The following MIPOL1 variants were observed in gnomAD, a reference collection of about 807,000 sequenced individuals.
MIPOL1 encodes mirror-image polydactyly 1.
In MIPOL1, 57 loss-of-function variants were observed where a neutral mutation model predicts 60.9. That is an observed-to-expected ratio of 0.94 (90% CI 0.76 to 1.17). MIPOL1 has a LOEUF of 1.17. Ranked by LOEUF, MIPOL1 falls within the 50% of genes most tolerant of loss-of-function variation. The probability of loss-of-function intolerance (pLI) is 0.00; values close to 1 mark genes in which losing one functional copy is unlikely to be tolerated. For missense variants in MIPOL1, 551 were observed against 511.6 expected (o/e 1.08, Z -0.74); for synonymous variants, 179 against 168.8 (o/e 1.06, Z -0.47).
intron 3 of MIPOL1, among the ~76,000 whole-genome samples, chr14:37,257,382 T>A (rs1408686400): frequency 6.6e-6 from 1 of 152,066 alleles, no homozygotes; most frequent in Non-Finnish European, 1.5e-5. Flanking sequence ...TCAAACAGTT[T>A]TAATGATGCC....
intron 1 of MIPOL1, among the ~76,000 whole-genome samples, chr14:37,198,798 C>G (rs1964754112): frequency 1.3e-5 from 2 of 152,090 alleles, no homozygotes; most frequent in South Asian, 4.1e-4. Context: ...TAAGCCAAAA[C>G]AAAGGGCCAA....
At chr14:37,210,092 A>C (rs111588762) in intron 1 of MIPOL1, among the ~76,000 whole-genome samples, 1 of 151,922 alleles carries the variant, frequency 6.6e-6, no homozygotes, top group Admixed American at 6.6e-5. Flanking sequence ...AAACGCTCAA[A>C]CTGTGTTTCC....
chr14:37,268,691 T>G lies in MIPOL1; in HGVS notation c.285T>G (p.Tyr95Ter). 6.2e-7 allele frequency: 1 copy of G among 1,602,022 alleles called. No individual in the cohort carries two copies. Among genetic ancestry groups the G allele is most frequent in the Non-Finnish European group, 8.5e-7 (1 of 1,173,010 alleles). ...VMEHRHNDMHYECMTPCQVTS... is the reference protein window; with the variant it reads ...VMEHRHNDMH ...AACATAGACATAATGATATGCATTA[T>G]GAATGTATGACTCCTTGTCAAGTTA... Residue 95 changes from tyrosine (Y) to a stop codon, truncating the protein, a stop_gained, in exon 5 of 13, where the codon TAT becomes TAG. Transcript: ENST00000684589. LOFTEE classifies it high-confidence loss of function.
At chr14:37,384,694 C>G (rs1205421789) in intron 10 of MIPOL1, among the ~76,000 whole-genome samples, 4 of 151,796 alleles carry the variant, frequency 2.6e-5, no homozygotes, top group Admixed American at 6.6e-5. Context: ...TTAACAGTAC[C>G]TGTTTCTTGA....
chr14:37,323,620 T>A (rs2088840886), intron 9 of MIPOL1, among the ~76,000 whole-genome samples: 1 of 152,014 alleles, frequency 6.6e-6, no homozygotes, highest in South Asian at 2.1e-4. Flanking sequence ...TCAGATAAAA[T>A]TTACATGCAC....
chr14:37,416,254 G>A (rs1368640944), intron 10 of MIPOL1, among the ~76,000 whole-genome samples: 56 of 152,138 alleles, frequency 3.7e-4, no homozygotes, highest in Non-Finnish European at 1.5e-5. Flanking sequence ...CTTTTTACAG[G>A]TGATCATTGA....
intron 9 of MIPOL1, among the ~76,000 whole-genome samples, chr14:37,348,494 A>C (rs2091102684): frequency 6.6e-6 from 1 of 152,188 alleles, no homozygotes; most frequent in African/African-American, 2.4e-5. Flanking sequence ...ATGCAATAAA[A>C]TTAAACACAC....
chr14:37,373,898 C>T (rs1353743492), intron 10 of MIPOL1, among the ~76,000 whole-genome samples: 2 of 152,122 alleles, frequency 1.3e-5, no homozygotes, highest in East Asian at 1.9e-4. Flanking sequence ...GGTATATACC[C>T]TGTAATGGGA....
chr14:37,358,698 A>C (rs551230608), intron 9 of MIPOL1, among the ~76,000 whole-genome samples: 1 of 151,982 alleles, frequency 6.6e-6, no homozygotes, highest in Non-Finnish European at 1.5e-5. Flanking sequence ...TTTTCTTGTA[A>C]ATTTGTTAAA....
Position 37,450,090 on chromosome 14 carries a change from G to A in MIPOL1, c.1031+27141G>A, listed in dbSNP as rs1462653176. On this transcript the variant is annotated intron_variant, in intron 11 of 12. Coordinates refer to ENST00000684589, the MANE Select transcript of MIPOL1 (RefSeq NM_001388067.1). ...GGTCTCCCAAAGTGCTGGGATTACA[G>A]GCCTGAGCCACCGTGCCTGGCCACC... is the stretch of plus-strand genomic sequence containing the variant. 2.0e-5 allele frequency among the ~76,000 whole-genome samples: 3 copies of A among 152,266 alleles called. No individual in the cohort carries two copies. The South Asian group carries it at 6.2e-4, about 32-fold the overall frequency.
chr14:37,223,827 A>C (rs1184662443), intron 1 of MIPOL1, among the ~76,000 whole-genome samples: 1 of 152,152 alleles, frequency 6.6e-6, no homozygotes, highest in Non-Finnish European at 1.5e-5. Flanking sequence ...TACAAAGTTA[A>C]ATTTATTAAA....
chr14:37,469,387 C>T (rs1333336847), intron 11 of MIPOL1, among the ~76,000 whole-genome samples: 2 of 152,060 alleles, frequency 1.3e-5, no homozygotes, highest in African/African-American at 2.4e-5. Flanking sequence ...CTCACTATCA[C>T]AAGAACAGCA....
At chr14:37,529,892 A>C (rs1170517907) in intron 12 of MIPOL1, among the ~76,000 whole-genome samples, 1 of 152,214 alleles carries the variant, frequency 6.6e-6, no homozygotes, top group Non-Finnish European at 1.5e-5. Context: ...AAGTATGCAA[A>C]TGCATTTAGA....
At chr14:37,379,054 G>GTAAT (rs1264507551) in intron 10 of MIPOL1, among the ~76,000 whole-genome samples, 1 of 152,008 alleles carries the variant, frequency 6.6e-6, no homozygotes, top group Non-Finnish European at 1.5e-5. Flanking sequence ...GGGTCTTGAT[G>GTAAT]TAATGCCTAC....
At position 37,368,165 on chromosome 14, in the gene MIPOL1, A is replaced by T. The variant is rs1163251797; in HGVS notation, c.829-1352A>T. ...TTCAACAAAACTATCTGCTAAATTA[A>T]ATTAATGTTGATTAAAAATGCCTTG... On this transcript the variant is annotated intron_variant, in intron 9 of 12. Transcript: ENST00000684589. Among the ~76,000 whole-genome samples the T allele has an allele frequency of 2.6e-5, 4 of 152,094 alleles. 1 individual carries two copies. Among genetic ancestry groups the T allele is most frequent in the African/African-American group, 9.6e-5 (4 of 41,456 alleles).
intron 9 of MIPOL1, among the ~76,000 whole-genome samples, chr14:37,314,269 A>T (rs1288121957): frequency 1.3e-5 from 2 of 152,144 alleles, no homozygotes; most frequent in South Asian, 2.1e-4. Context: ...TTCAACATTG[A>T]TAGAAAACCC....
chr14:37,420,363 A>G (rs1317322604), intron 10 of MIPOL1, among the ~76,000 whole-genome samples: 1 of 152,270 alleles, frequency 6.6e-6, no homozygotes, highest in East Asian at 1.9e-4. Flanking sequence ...TATTTTTGCA[A>G]GTATACACGT....
chr14:37,525,337 C>T (rs539690189), intron 12 of MIPOL1, among the ~76,000 whole-genome samples: 9 of 152,224 alleles, frequency 5.9e-5, no homozygotes, highest in Non-Finnish European at 8.8e-5. Context: ...CATCTTTCTC[C>T]GACTTGGGTG....
At chr14:37,240,353 A>G (rs571990531) in intron 1 of MIPOL1, 7 of 152,306 alleles carry the variant, frequency 4.6e-5, no homozygotes, top group African/African-American at 1.4e-4. Flanking sequence ...TCTGATAGCT[A>G]TTCTTTTGTT....
Sources: gnomAD v4.1 joint callset for allele counts (sites outside exome capture counted in the v4.1 genomes callset) on GRCh38, gnomAD v4.1.1 for gene constraint, MANE v1.5 for transcripts, NCBI Gene and HGNC (gene_info 2026-07-23, HGNC 2026-07-21) for gene names.